Variants in GALT observed in about 807,000 individuals in gnomAD.
GALT encodes the protein galactose-1-phosphate uridylyltransferase.
In GALT, 42 loss-of-function variants were observed where a neutral mutation model predicts 55.4. That is an observed-to-expected ratio of 0.76 (90% CI 0.59 to 0.98). GALT has a LOEUF of 0.98. GALT is among the 50% of genes least tolerant of loss of function. GALT has a pLI of 0.00. For synonymous variants in GALT, 154 were observed against 181.5 expected (o/e 0.85, Z 1.22); for missense variants, 407 against 495.7 (o/e 0.82, Z 1.70).
intron 1 of GALT, 123 bp from the exon 2 acceptor site, chr9:34,646,966 C>T: frequency 6.2e-7 from 1 of 1,605,778 alleles, no homozygotes; most frequent in Non-Finnish European, 8.5e-7. Flanking sequence ...AATCCTGGGC[C>T]TCTAGCTCCT....
chr9:34,647,331 C>T lies in GALT; in HGVS notation c.252+73C>T, dbSNP rs1821129019. On this transcript the variant is annotated intron_variant, in intron 2 of 10. Coordinates refer to ENST00000378842, the MANE Select transcript of GALT (RefSeq NM_000155.4). The surrounding 1 kb of genome is among the most constrained non-coding windows in gnomAD (Gnocchi z 5.6). Reference sequence around the variant, plus strand: ...TTCCCTCTTAGAACTGTCCTCCACCCACAGGGATAGTGAACCTCCTTCTGG... The same window carrying T: ...TTCCCTCTTAGAACTGTCCTCCACCTACAGGGATAGTGAACCTCCTTCTGG... The T allele has an allele frequency of 6.2e-7, 1 of 1,604,682 alleles. No individual in the cohort carries two copies. The highest frequency in any genetic ancestry group is 1.1e-5 in the South Asian group (1 of 90,852).
Position 34,647,785 on chromosome 9 carries a change from C to T in GALT, c.378-47C>T. On this transcript the variant is annotated intron_variant, in intron 4 of 10. Coordinates refer to ENST00000378842, the MANE Select transcript of GALT (RefSeq NM_000155.4). The surrounding 1 kb of genome is among the most constrained non-coding windows in gnomAD (Gnocchi z 5.6). ...TTGGGGTTCGGCCCTGCCCGTAGCA[C>T]AGCCAAGCCCTACCTCTCGGTTATC... 1 of 1,614,204 alleles carries T rather than the reference C, an allele frequency of 6.2e-7. No individual in the cohort carries two copies. The highest frequency in any genetic ancestry group is 1.1e-5 in the South Asian group (1 of 91,086).
At chr9:34,649,763 C>A in intron 10 of GALT, 199 bp downstream of exon 10, 1 of 599,498 alleles carries the variant, frequency 1.7e-6, no homozygotes, top group Non-Finnish European at 3.0e-6. Context: ...CCTGCTTCCT[C>A]CAGGGAACCC....
rs1313572498 is a variant in GALT, at chr9:34,647,456, G to A, written c.253-36G>A. On this transcript the variant is annotated intron_variant, in intron 2 of 10. Coordinates refer to ENST00000378842, the MANE Select transcript of GALT (RefSeq NM_000155.4). This position sits in a 1 kb window ranked among gnomAD's most constrained non-coding sequence, Gnocchi z 5.6. ...AGCCCACCAGGTAACTGGTGGTATG[G>A]GGCAGTGAGTGCTTCTAGCCTATCC... 2.5e-6 allele frequency: 4 copies of A among 1,608,406 alleles called. No individual in the cohort carries two copies. The highest frequency in any genetic ancestry group is 2.2e-5 in the East Asian group (1 of 44,838).
chr9:34,646,736 G>A lies in GALT; in HGVS notation c.32G>A (p.Arg11His), dbSNP rs757632977. The stretch of plus-strand genomic sequence containing the variant: ...CGCAGTGGAACCGATCCTCAGCAAC[G>A]CCAGCAGGCGTCAGAGGCGGACGCC... MSRSGTDPQQRQQASEADAAA... is the reference protein window; with the variant it reads MSRSGTDPQQHQQASEADAAA... Residue 11 changes from arginine (R) to histidine (H), a missense_variant, in exon 1 of 11, where the codon CGC becomes CAC. Physicochemically the swap from Arg to His is conservative, Grantham distance 29. Coordinates refer to ENST00000378842, the MANE Select transcript of GALT (RefSeq NM_000155.4). 1.7e-5 allele frequency: 27 copies of A among 1,613,638 alleles called. No individual in the cohort carries two copies. In the South Asian group the frequency reaches 2.4e-4, roughly 14 times the overall value.
Position 34,647,769 on chromosome 9 carries a change from G to A in GALT, c.378-63G>A, listed in dbSNP as rs966438901. 2.9e-5 allele frequency: 46 copies of A among 1,613,970 alleles called. No homozygotes were observed. In the South Asian group the frequency reaches 3.6e-4, roughly 13 times the overall value. On this transcript the variant is annotated intron_variant, in intron 4 of 10. Coordinates refer to ENST00000378842, the MANE Select transcript of GALT (RefSeq NM_000155.4). The surrounding 1 kb of genome is among the most constrained non-coding windows in gnomAD (Gnocchi z 5.6). ...AGTTGGAGACTCAGCATTGGGGTTC[G>A]GCCCTGCCCGTAGCACAGCCAAGCC...
intron 1 of GALT, 97 bp downstream of exon 1, chr9:34,646,883 C>A: frequency 1.2e-6 from 2 of 1,607,074 alleles, no homozygotes; most frequent in South Asian, 2.2e-5. Context: ...AACGCTCATC[C>A]CGAGCCAGAC....
Position 34,647,789 on chromosome 9 carries a change from C to A in GALT, c.378-43C>A. 6.2e-7 allele frequency: 1 copy of A among 1,614,206 alleles called. No individual in the cohort carries two copies. The highest frequency in any genetic ancestry group is 8.5e-7 in the Non-Finnish European group (1 of 1,180,032). ...GGTTCGGCCCTGCCCGTAGCACAGCCAAGCCCTACCTCTCGGTTATCTTTT... is the reference window on the plus strand; with the variant it reads ...GGTTCGGCCCTGCCCGTAGCACAGCAAAGCCCTACCTCTCGGTTATCTTTT... On this transcript the variant is annotated intron_variant, in intron 4 of 10. Transcript: ENST00000378842. The surrounding 1 kb of genome is among the most constrained non-coding windows in gnomAD (Gnocchi z 5.6).
rs794727235 is a variant in GALT at position 34,647,086 on chromosome 9, C to G, written c.83-3C>G. On this transcript the variant is annotated splice_region_variant and splice_polypyrimidine_tract_variant and intron_variant, in intron 1 of 10. Transcript: ENST00000378842. The surrounding 1 kb of genome is among the most constrained non-coding windows in gnomAD (Gnocchi z 5.6). The stretch of plus-strand genomic sequence containing the variant: ...AGGACTGATCTTGACTGTCTGCCCC[C>G]AGACCATCAGCATATCCGCTACAAC... 1 of 1,614,152 alleles carries G rather than the reference C, an allele frequency of 6.2e-7. No individual in the cohort carries two copies. Among genetic ancestry groups the G allele is most frequent in the Non-Finnish European group, 8.5e-7 (1 of 1,180,036 alleles).
At chr9:34,646,812 C>T (rs1470381054) in intron 1 of GALT, 26 bp downstream of exon 1, 18 of 1,612,986 alleles carry the variant, frequency 1.1e-5, no homozygotes, top group Non-Finnish European at 1.5e-5. Flanking sequence ...CAGGGACTCG[C>T]TGGGGCGCGG....
Position 34,650,972 on chromosome 9 carries a change from C to T in GALT, c.*523C>T, listed in dbSNP as rs1821239392. On this transcript the variant is annotated 3_prime_UTR_variant, in exon 11 of 11. Transcript: ENST00000378842. ...CAGTGGCCAGATCCTGGGCTGCTGG[C>T]CAGAACCCTGGCTTTGTGAGTGGCT... 6.2e-6 allele frequency: 1 copy of T among 161,732 alleles called. No individual in the cohort carries two copies. Among genetic ancestry groups the T allele is most frequent in the African/African-American group, 2.4e-5 (1 of 41,618 alleles). 10.0% of individuals were successfully genotyped at this position (161,732 alleles called of 1,614,324 possible).
In GALT at chr9:34,648,707, C is replaced by A; in HGVS notation, c.688-55C>A. The A allele has an allele frequency of 1.2e-6, 2 of 1,608,120 alleles. No individual in the cohort carries two copies. The highest frequency in any genetic ancestry group is 1.7e-6 in the Non-Finnish European group (2 of 1,178,434). ...CTGCTTCCCTTGCCTATTTGCTGAC[C>A]ACACTCCGGCTCCTATGTCACCTTG... On this transcript the variant is annotated intron_variant, in intron 7 of 10. Coordinates refer to ENST00000378842, the MANE Select transcript of GALT (RefSeq NM_000155.4). This position sits in a 1 kb window ranked among gnomAD's most constrained non-coding sequence, Gnocchi z 4.9.
intron 9 of GALT, 77 bp from the exon 10 acceptor site, chr9:34,649,333 T>C: frequency 6.3e-7 from 1 of 1,581,008 alleles, no homozygotes; most frequent in Non-Finnish European, 8.7e-7. Context: ...GATACCTGGT[T>C]GGGTTTGGGA....
rs755776140 is a variant in GALT, at chr9:34,649,008, C to T, written c.831C>T (p.Ser277=). Residue 277 remains serine, a synonymous_variant, in exon 9 of 11, where the codon TCC becomes TCT. Transcript: ENST00000378842. ...LTPAERDDLA[S]IMKKLLTKYD... Reference sequence around the variant, plus strand: ...AGGCTCTGATTCCAGATCTAGCCTCCATCATGAAGAAGCTCTTGACCAAGT... The same window carrying T: ...AGGCTCTGATTCCAGATCTAGCCTCTATCATGAAGAAGCTCTTGACCAAGT... The T allele has an allele frequency of 1.2e-6, 2 of 1,614,090 alleles. No homozygotes were observed. Among genetic ancestry groups the T allele is most frequent in the Non-Finnish European group, 1.7e-6 (2 of 1,180,010 alleles).
chr9:34,649,338 T>C, intron 9 of GALT, 72 bp from the exon 10 acceptor site: 1 of 1,596,358 alleles, frequency 6.3e-7, no homozygotes, highest in Non-Finnish European at 8.6e-7. Context: ...CTGGTTGGGT[T>C]TGGGAGTAGG....
At position 34,647,833 on chromosome 9, in the gene GALT, A is replaced by G. The variant is rs111033682; in HGVS notation, c.379A>G (p.Lys127Glu). The change falls in exon 5 of 11, where the codon AAG becomes GAG. Residue 127 changes from lysine (K) to glutamate (E), a missense_variant and splice_region_variant. By Grantham distance (56) the Lys-to-Glu change is moderately conservative. Coordinates refer to ENST00000378842, the MANE Select transcript of GALT (RefSeq NM_000155.4). This position sits in a 1 kb window ranked among gnomAD's most constrained non-coding sequence, Gnocchi z 5.6. ...FQAKSARGVC[K>E]VMCFHPWSDV... is the part of the protein sequence containing the mutation. Reference sequence around the variant, plus strand: ...ATCTTTTCTCCCGTCACCACCCAGTAAGGTCATGTGCTTCCACCCCTGGTC... The same window carrying G: ...ATCTTTTCTCCCGTCACCACCCAGTGAGGTCATGTGCTTCCACCCCTGGTC... 5.6e-6 allele frequency: 9 copies of G among 1,614,030 alleles called. No homozygotes were observed. The highest frequency in any genetic ancestry group is 7.6e-6 in the Non-Finnish European group (9 of 1,180,028).
At position 34,648,559 on chromosome 9, in the gene GALT, G is replaced by A. The variant is rs917670385; in HGVS notation, c.687+103G>A. 11 of 1,575,654 alleles carry A rather than the reference G, an allele frequency of 7.0e-6. No homozygotes were observed. The highest frequency in any genetic ancestry group is 8.7e-6 in the Non-Finnish European group (10 of 1,147,612). On this transcript the variant is annotated intron_variant, in intron 7 of 10. Transcript: ENST00000378842. The surrounding 1 kb of genome is among the most constrained non-coding windows in gnomAD (Gnocchi z 4.9). ...AGCTAGAGGTGAACTAGTAGAGAGA[G>A]ACTTGCTAGGAGGCCTTAGCAATAA...
Position 34,647,036 on chromosome 9 carries a change from GGAGA to G in GALT, c.83-49_83-46del. ...TGGGCCTGCTGGTGGGTGAGACCCA[GGAGA>G]GAGGGAGCTAGAGAGCTCTGAGGAC... On this transcript the variant is annotated intron_variant, in intron 1 of 10. Transcript: ENST00000378842. This position sits in a 1 kb window ranked among gnomAD's most constrained non-coding sequence, Gnocchi z 5.6. 1 of 1,613,114 alleles carries G rather than the reference GGAGA, an allele frequency of 6.2e-7. No homozygotes were observed. The highest frequency in any genetic ancestry group is 8.5e-7 in the Non-Finnish European group (1 of 1,179,516).
rs1821233529 is a variant in GALT at position 34,650,602 on chromosome 9, G to A, written c.*153G>A. 3 of 660,060 alleles carry A rather than the reference G, an allele frequency of 4.5e-6. No individual in the cohort carries two copies. Among genetic ancestry groups the A allele is most frequent in the Non-Finnish European group, 8.0e-6 (3 of 374,252 alleles). 40.9% of individuals were successfully genotyped at this position (660,060 alleles called of 1,614,324 possible). Reference sequence around the variant, plus strand: ...ACTTTTATCACATACTCTAATATCAGAGGAGTGTGAACCTTCAGAGATCTA... The same window carrying A: ...ACTTTTATCACATACTCTAATATCAAAGGAGTGTGAACCTTCAGAGATCTA... On this transcript the variant is annotated 3_prime_UTR_variant, in exon 11 of 11. Transcript: ENST00000378842.
Sources: allele counts gnomAD v4.1 joint callset, GRCh38; gene constraint gnomAD v4.1.1; non-coding constraint Gnocchi (gnomAD v3.1); transcripts MANE v1.5; gene names NCBI Gene and HGNC (gene_info 2026-07-23, HGNC 2026-07-21).